Variants in DPP6 observed in about 807,000 individuals in gnomAD.
The protein encoded by DPP6 is dipeptidyl peptidase like 6.
Under a neutral mutation model 122.6 loss-of-function variants are expected in DPP6, and 69 were observed. That is an observed-to-expected ratio of 0.56 (90% CI 0.46 to 0.69). DPP6 has a LOEUF of 0.69. DPP6 is among the 30% of genes least tolerant of loss of function. The pLI is 0.00. For synonymous variants in DPP6, 418 were observed against 433.1 expected (o/e 0.97, Z 0.43); for missense variants, 928 against 1,116.9 (o/e 0.83, Z 2.41).
chr7:154,592,325 C>G (rs1459222192), intron 5 of DPP6, among the ~76,000 whole-genome samples: 1 of 152,188 alleles, frequency 6.6e-6, no homozygotes, highest in African/African-American at 2.4e-5. Context: ...AAACATATTA[C>G]CAAACTAATG....
intron 1 of DPP6, among the ~76,000 whole-genome samples, chr7:154,312,910 G>A (rs951847649): frequency 2.0e-5 from 3 of 152,172 alleles, no homozygotes; most frequent in African/African-American, 7.2e-5. Flanking sequence ...GTCTTGAATA[G>A]TAATGATATA....
intron 1 of DPP6, among the ~76,000 whole-genome samples, chr7:154,128,811 GATTGTT>G (rs1219576104): frequency 2.0e-5 from 3 of 149,984 alleles, no homozygotes; most frequent in African/African-American, 7.3e-5. Context: ...ACTCAAATCT[GATTGTT>G]ACTGCTGGGT....
the DPP6 span, among the ~76,000 whole-genome samples, chr7:153,817,859 ATACAT>A: frequency 1.3e-5 from 2 of 151,830 alleles, no homozygotes; most frequent in Non-Finnish European, 2.9e-5. Flanking sequence ...TGGCACATGT[ATACAT>A]ATGTAATAAA....
At chr7:153,822,532 T>G in the DPP6 span, among the ~76,000 whole-genome samples, 3 of 152,164 alleles carry the variant, frequency 2.0e-5, no homozygotes, top group African/African-American at 7.2e-5. Flanking sequence ...AATATAGAGC[T>G]TCTTCCCCAA....
chr7:154,512,836 T>C lies in DPP6; in HGVS notation c.458-27696T>C, dbSNP rs531121741. Among the ~76,000 whole-genome samples the C allele has an allele frequency of 5.9e-5, 9 of 152,166 alleles. 1 individual carries two copies. In the South Asian group the frequency reaches 1.2e-3, roughly 21 times the overall value. On this transcript the variant is annotated intron_variant, in intron 3 of 25. Transcript: ENST00000377770. ...ATAATAAATTTTTTGAGGACAAAAA[T>C]AGTTCTAGATTGAGAATTCAGTCAT... is the stretch of plus-strand genomic sequence containing the variant.
At chr7:154,305,587 TGC>T (rs748901912) in intron 1 of DPP6, 76 of 1,563,002 alleles carry the variant, frequency 4.9e-5, no homozygotes, top group Admixed American at 1.1e-4. Context: ...TGTGTGTGTG[TGC>T]GTGCGTGTGC....
At chr7:154,413,084 G>A (rs1816749039) in intron 1 of DPP6, among the ~76,000 whole-genome samples, 1 of 152,180 alleles carries the variant, frequency 6.6e-6, no homozygotes, top group Non-Finnish European at 1.5e-5. Flanking sequence ...CACTTCTTGA[G>A]ATTCCCCCAC....
rs559235003 is a variant in DPP6, at chr7:154,105,748, G to T, written c.243+52685G>T. 3.9e-3 allele frequency among the ~76,000 whole-genome samples: 598 copies of T among 152,130 alleles called. 5 individuals are homozygous for T. The highest frequency in any genetic ancestry group is 0.01 in the African/African-American group (435 of 41,472). ...CTTGCTGTCTTTGTCTGCTGCCGTG[G>T]AAGACGTGCCTTTACTTCTCCTTTG... On this transcript the variant is annotated intron_variant, in intron 1 of 25. Transcript: ENST00000377770.
At chr7:154,864,458 G>A (rs1803682876) in intron 17 of DPP6, among the ~76,000 whole-genome samples, 1 of 152,200 alleles carries the variant, frequency 6.6e-6, no homozygotes, top group Admixed American at 6.5e-5. Flanking sequence ...CCAAATATTA[G>A]AGGGGGCTCA....
chr7:154,227,668 C>G (rs1462961965), intron 1 of DPP6, among the ~76,000 whole-genome samples: 1 of 150,788 alleles, frequency 6.6e-6, no homozygotes, highest in Non-Finnish European at 1.5e-5. Flanking sequence ...CTGCTCCTCT[C>G]CCCTACACTG....
At chr7:154,032,352 G>C (rs559070266) in intron 1 of DPP6, among the ~76,000 whole-genome samples, 3 of 152,122 alleles carry the variant, frequency 2.0e-5, no homozygotes, top group Non-Finnish European at 4.4e-5. Context: ...GCTGGGGCCT[G>C]AATGAAGGAA....
intron 3 of DPP6, among the ~76,000 whole-genome samples, chr7:154,480,708 A>G (rs969273579): frequency 1.3e-5 from 2 of 152,166 alleles, no homozygotes; most frequent in African/African-American, 2.4e-5. Context: ...GTCATCAGAC[A>G]AACCTTCTCT....
At chr7:154,816,713 C>T (rs1271667909) in intron 16 of DPP6, among the ~76,000 whole-genome samples, 1 of 152,204 alleles carries the variant, frequency 6.6e-6, no homozygotes, top group Non-Finnish European at 1.5e-5. Context: ...GGGGCCAAGG[C>T]TGGGGGTGGC....
intron 1 of DPP6, among the ~76,000 whole-genome samples, chr7:154,438,286 T>C (rs1819045046): frequency 6.6e-6 from 1 of 151,332 alleles, no homozygotes; most frequent in Non-Finnish European, 1.5e-5. Context: ...GCTGACACGG[T>C]GAAACCCCGT....
chr7:154,335,598 C>T (rs1439182813), intron 1 of DPP6, among the ~76,000 whole-genome samples: 1 of 152,112 alleles, frequency 6.6e-6, no homozygotes, highest in Non-Finnish European at 1.5e-5. Context: ...AGAATCAATC[C>T]AAGAAGCCAA....
At chr7:154,506,424 A>AT (rs559213059) in intron 3 of DPP6, among the ~76,000 whole-genome samples, 15 of 152,194 alleles carry the variant, frequency 9.9e-5, no homozygotes, top group Middle Eastern at 6.8e-3. Flanking sequence ...CATTCCTGAG[A>AT]TTTTTTTGTG....
chr7:153,831,139 G>A, the DPP6 span, among the ~76,000 whole-genome samples: 13 of 152,280 alleles, frequency 8.5e-5, no homozygotes, highest in East Asian at 2.3e-3. Context: ...TATGTAATAT[G>A]TGACTAATTT....
At chr7:154,568,963 G>A (rs1305367410) in intron 5 of DPP6, among the ~76,000 whole-genome samples, 1 of 152,166 alleles carries the variant, frequency 6.6e-6, no homozygotes, top group African/African-American at 2.4e-5. Flanking sequence ...AGTATTCTCT[G>A]TTCTTCTGGA....
chr7:154,623,651 ACG>A (rs1563025857), intron 5 of DPP6, among the ~76,000 whole-genome samples: 5 of 144,664 alleles, frequency 3.5e-5, no homozygotes, highest in African/African-American at 1.1e-4. Context: ...ACGCGCACAC[ACG>A]CGCACACACA....
Sources: gnomAD v4.1 joint callset for allele counts (sites outside exome capture counted in the v4.1 genomes callset) on GRCh38, gnomAD v4.1.1 for gene constraint, MANE v1.5 for transcripts, NCBI Gene and HGNC (gene_info 2026-07-23, HGNC 2026-07-21) for gene names.